The following GAB2 variants were observed in gnomAD, a reference collection of about 807,000 sequenced individuals.
GAB2 encodes GRB2 associated binding protein 2.
In GAB2, 26 loss-of-function variants were observed where a neutral mutation model predicts 65.5. That is an observed-to-expected ratio of 0.40 (90% CI 0.29 to 0.55). The LOEUF is 0.55. Ranked by LOEUF, GAB2 falls within the 20% of genes least tolerant of loss-of-function variation. The probability of loss-of-function intolerance (pLI) is 0.53; values close to 1 mark genes in which losing one functional copy is unlikely to be tolerated. For synonymous variants in GAB2, 321 were observed against 329.6 expected (o/e 0.97, Z 0.28); for missense variants, 884 against 875.8 (o/e 1.01, Z -0.12).
intron 1 of GAB2, among the ~76,000 whole-genome samples, chr11:78,403,996 C>T (rs1328763002): frequency 6.6e-6 from 1 of 152,024 alleles, no homozygotes; most frequent in Non-Finnish European, 1.5e-5. Flanking sequence ...AGCCCTCACA[C>T]ATTGTTGGTA....
At chr11:78,220,528 C>T (rs1213494212) in intron 8 of GAB2, 84 bp from the exon 9 acceptor site, 19 of 1,214,604 alleles carry the variant, frequency 1.6e-5, no homozygotes, top group Non-Finnish European at 2.1e-5. Flanking sequence ...GGAGTAAGAA[C>T]ACTGTTTCCC....
chr11:78,232,854 C>T (rs866713657), intron 3 of GAB2, among the ~76,000 whole-genome samples: 4 of 152,068 alleles, frequency 2.6e-5, no homozygotes, highest in Non-Finnish European at 5.9e-5. Context: ...TCACTTTATA[C>T]CCCCTACTCA....
At chr11:78,295,975 T>C (rs1213113426) in intron 1 of GAB2, among the ~76,000 whole-genome samples, 13 of 152,182 alleles carry the variant, frequency 8.5e-5, no homozygotes, top group Admixed American at 8.5e-4. Flanking sequence ...TTGTGGAAGA[T>C]AATTTTTCCA....
rs1491548868 is a variant in GAB2, at chr11:78,346,721, A to ATTT, written c.76-65821_76-65820insAAA. On this transcript the variant is annotated intron_variant, in intron 1 of 9. Transcript: ENST00000361507. Reference sequence around the variant, plus strand: ...TATATATATATATATATATATATATAATTTTTTTTTTTTTTAGGAAAAGAA... The same window carrying ATTT: ...TATATATATATATATATATATATATATTTATTTTTTTTTTTTTTAGGAAAAGAA... Among the ~76,000 whole-genome samples, 75 of 34,576 alleles carry ATTT rather than the reference A, an allele frequency of 2.2e-3. 1 individual carries two copies. Among genetic ancestry groups the ATTT allele is most frequent in the South Asian group, 3.7e-3 (4 of 1,094 alleles). 22.7% of individuals were successfully genotyped at this position (34,576 alleles called of 152,430 possible).
chr11:78,290,474 C>G (rs1477455716), intron 1 of GAB2, among the ~76,000 whole-genome samples: 1 of 152,190 alleles, frequency 6.6e-6, no homozygotes, highest in African/African-American at 2.4e-5. Context: ...TCACATGAAC[C>G]TGTCTCTATC....
At chr11:78,394,678 G>A (rs190104663) in intron 1 of GAB2, among the ~76,000 whole-genome samples, 12 of 152,338 alleles carry the variant, frequency 7.9e-5, no homozygotes, top group African/African-American at 2.4e-4. Context: ...TTACCCCACT[G>A]TTTGGCACAG....
At chr11:78,262,415 T>A (rs748179427) in intron 2 of GAB2, among the ~76,000 whole-genome samples, 3 of 152,204 alleles carry the variant, frequency 2.0e-5, no homozygotes, top group African/African-American at 7.2e-5. Context: ...TAGCTGGCCC[T>A]CAGCACTGCA....
At chr11:78,260,850 G>C (rs1383307296) in intron 2 of GAB2, among the ~76,000 whole-genome samples, 3 of 152,144 alleles carry the variant, frequency 2.0e-5, no homozygotes, top group African/African-American at 4.8e-5. Context: ...CATGTGAAGT[G>C]AAACTATAAG....
intron 1 of GAB2, among the ~76,000 whole-genome samples, chr11:78,314,108 A>G (rs761685581): frequency 3.9e-5 from 6 of 152,214 alleles, no homozygotes; most frequent in Admixed American, 1.3e-4. Flanking sequence ...AAGTAAAGGA[A>G]CCATTCACTG....
chr11:78,244,404 A>G (rs566816999), intron 3 of GAB2, among the ~76,000 whole-genome samples: 34 of 152,158 alleles, frequency 2.2e-4, no homozygotes, highest in Admixed American at 7.2e-4. Context: ...AAGAAAGAAA[A>G]AAAAAAGACA....
chr11:78,378,474 TTA>T (rs2134735968), intron 1 of GAB2, among the ~76,000 whole-genome samples: 1 of 152,354 alleles, frequency 6.6e-6, no homozygotes, highest in East Asian at 1.9e-4. Context: ...AATTTATATT[TTA>T]TGTCAGACTT....
chr11:78,417,107 T>C (rs916223705), intron 1 of GAB2, among the ~76,000 whole-genome samples: 93 of 152,244 alleles, frequency 6.1e-4, no homozygotes, highest in Non-Finnish European at 7.8e-4. Context: ...GGGCTGCACA[T>C]GCCGCTGACG....
chr11:78,413,211 C>T (rs1022757232), intron 1 of GAB2, among the ~76,000 whole-genome samples: 1 of 152,156 alleles, frequency 6.6e-6, no homozygotes, highest in Non-Finnish European at 1.5e-5. Flanking sequence ...GGAAATTTAA[C>T]TTGATGACCA....
chr11:78,376,725 G>A (rs1284406120), intron 1 of GAB2, among the ~76,000 whole-genome samples: 3 of 152,140 alleles, frequency 2.0e-5, no homozygotes, highest in Non-Finnish European at 4.4e-5. Context: ...GAGAGTTGGA[G>A]GGGGGCACCG....
intron 1 of GAB2, among the ~76,000 whole-genome samples, chr11:78,380,249 C>T (rs1033022038): frequency 2.0e-4 from 30 of 151,388 alleles, no homozygotes; most frequent in African/African-American, 7.3e-4. Context: ...CGCTCTGTCG[C>T]CAGGCTGAAA....
chr11:78,380,700 C>T (rs116741089), intron 1 of GAB2, among the ~76,000 whole-genome samples: 1,868 of 152,192 alleles, frequency 0.012, 31 homozygotes, highest in African/African-American at 0.042. Context: ...TTAAATTATT[C>T]GGAGCCTTGG....
intron 1 of GAB2, among the ~76,000 whole-genome samples, chr11:78,354,549 G>A (rs977528042): frequency 6.6e-6 from 1 of 152,096 alleles, no homozygotes; most frequent in African/African-American, 2.4e-5. Context: ...CATCTGGAGT[G>A]GGGGCTAGGC....
intron 1 of GAB2, among the ~76,000 whole-genome samples, chr11:78,349,261 C>A (rs1291471008): frequency 6.6e-6 from 1 of 152,146 alleles, no homozygotes; most frequent in Non-Finnish European, 1.5e-5. Flanking sequence ...TACTACCTCC[C>A]ATATCTCACG....
chr11:78,335,488 T>A (rs1565164052), intron 1 of GAB2, among the ~76,000 whole-genome samples: 1 of 152,236 alleles, frequency 6.6e-6, no homozygotes, highest in African/African-American at 2.4e-5. Flanking sequence ...CAACACTTAC[T>A]GAAGAAACTG....
Sources: gnomAD v4.1 joint callset for allele counts (sites outside exome capture counted in the v4.1 genomes callset) on GRCh38, gnomAD v4.1.1 for gene constraint, MANE v1.5 for transcripts, NCBI Gene and HGNC (gene_info 2026-07-23, HGNC 2026-07-21) for gene names.